POU2F1: variants seen among roughly 807,000 people sequenced by gnomAD.
POU2F1 encodes POU domain, class 2, transcription factor 1.
In POU2F1, 16 loss-of-function variants were observed where a neutral mutation model predicts 84.9. The ratio of observed to expected loss-of-function variants is 0.19; its 90% CI spans 0.13 to 0.29. The LOEUF (loss-of-function observed/expected upper bound fraction) is 0.29. POU2F1 is among the 10% of genes least tolerant of loss of function. POU2F1 has a pLI of 1.00. For missense variants in POU2F1, 738 were observed against 942.6 expected (o/e 0.78, Z 2.84); for synonymous variants, 368 against 368.3 (o/e 1.00, Z 0.01).
chr1:167,262,751 A>G (rs1239075467), intron 1 of POU2F1, among the ~76,000 whole-genome samples: 1 of 152,162 alleles, frequency 6.6e-6, no homozygotes, highest in African/African-American at 2.4e-5. Context: ...GCCCTCAATA[A>G]AGAAGGTAGG....
chr1:167,315,648 G>GTTTT (rs555434512), intron 1 of POU2F1, among the ~76,000 whole-genome samples: 1 of 151,400 alleles, frequency 6.6e-6, no homozygotes, highest in Non-Finnish European at 1.5e-5. Flanking sequence ...TTGTTTGTTT[G>GTTTT]TTTTTTAATT....
chr1:167,403,755 G>A (rs930199117), intron 13 of POU2F1, among the ~76,000 whole-genome samples: 1 of 152,112 alleles, frequency 6.6e-6, no homozygotes, highest in African/African-American at 2.4e-5. Flanking sequence ...GTTTTCCTGA[G>A]TTAGATCCAA....
At chr1:167,371,726 G>A (rs1009480949) in intron 4 of POU2F1, among the ~76,000 whole-genome samples, 191 bp from the exon 5 acceptor site, 1 of 152,116 alleles carries the variant, frequency 6.6e-6, no homozygotes, top group Non-Finnish European at 1.5e-5. Flanking sequence ...CAGCTTTGCT[G>A]GCATTAGAAT....
intron 1 of POU2F1, among the ~76,000 whole-genome samples, chr1:167,235,777 G>C (rs1649406252): frequency 6.6e-6 from 1 of 152,126 alleles, no homozygotes; most frequent in Non-Finnish European, 1.5e-5. Flanking sequence ...ATTCTTTGCA[G>C]TAACTTGGAT....
In POU2F1 at chr1:167,239,084, T is replaced by C. The variant is rs376510952; in HGVS notation, c.61+18126T>C. Among the ~76,000 whole-genome samples the C allele has an allele frequency of 3.4e-3, 518 of 152,064 alleles. 3 individuals carry two copies. The highest frequency in any genetic ancestry group is 0.012 in the African/African-American group (498 of 41,420). ...AGGTGTAACCCTGACAAACTTTTTT[T>C]CCCCCCCAAATGGACAGCCAACTGT... On this transcript the variant is annotated intron_variant, in intron 1 of 15. Coordinates refer to ENST00000367866, the MANE Select transcript of POU2F1 (RefSeq NM_002697.4).
In POU2F1 at chr1:167,376,257, A is replaced by G. The variant is rs1036641229; in HGVS notation, c.718+102A>G. On this transcript the variant is annotated intron_variant, in intron 7 of 15. Coordinates refer to ENST00000367866, the MANE Select transcript of POU2F1 (RefSeq NM_002697.4). ...ATTTTGGCCCTGAAACTATTAGACCAATGTTTTTATTAAATTTTATTTGAT... is the reference window on the plus strand; with the variant it reads ...ATTTTGGCCCTGAAACTATTAGACCGATGTTTTTATTAAATTTTATTTGAT... The G allele has an allele frequency of 4.0e-6, 5 of 1,253,960 alleles. No individual in the cohort carries two copies. The East Asian group carries it at 8.6e-5, about 22-fold the overall frequency. 77.7% of individuals were successfully genotyped at this position (1,253,960 alleles called of 1,614,324 possible). A position where few individuals can be genotyped will look rare whatever the true frequency, so the allele number is the denominator to read the frequency against.
At chr1:167,227,663 A>G (rs1354348094) in intron 1 of POU2F1, among the ~76,000 whole-genome samples, 1 of 152,208 alleles carries the variant, frequency 6.6e-6, no homozygotes, top group Non-Finnish European at 1.5e-5. Flanking sequence ...TATAAAAGGT[A>G]TCTGCTATGT....
At chr1:167,248,510 CT>C (rs1163607073) in intron 1 of POU2F1, among the ~76,000 whole-genome samples, 1 of 152,030 alleles carries the variant, frequency 6.6e-6, no homozygotes, top group African/African-American at 2.4e-5. Context: ...TTATAATACC[CT>C]GTGATAAATG....
At chr1:167,319,282 T>C (rs1571292855) in intron 1 of POU2F1, among the ~76,000 whole-genome samples, 1 of 152,328 alleles carries the variant, frequency 6.6e-6, no homozygotes, top group East Asian at 1.9e-4. Context: ...TTATTTTACC[T>C]GTTTCCCAAC....
At chr1:167,228,167 A>C (rs924951183) in intron 1 of POU2F1, among the ~76,000 whole-genome samples, 2 of 152,220 alleles carry the variant, frequency 1.3e-5, no homozygotes, top group African/African-American at 4.8e-5. Context: ...GATTGTGTTC[A>C]ACATTGTGAT....
intron 1 of POU2F1, among the ~76,000 whole-genome samples, chr1:167,243,884 A>G (rs1308832851): frequency 3.9e-5 from 6 of 152,258 alleles, no homozygotes; most frequent in Non-Finnish European, 7.3e-5. Context: ...AATATAGTAC[A>G]GGACCCAGAT....
chr1:167,332,650 G>C, intron 2 of POU2F1, 115 bp downstream of exon 2: 3 of 731,410 alleles, frequency 4.1e-6, no homozygotes, highest in Non-Finnish European at 4.5e-6. Flanking sequence ...GTATTGAGTT[G>C]TCAAATATGA....
intron 1 of POU2F1, among the ~76,000 whole-genome samples, chr1:167,304,973 A>G (rs1654959330): frequency 6.6e-6 from 1 of 152,208 alleles, no homozygotes; most frequent in African/African-American, 2.4e-5. Flanking sequence ...GGGGGTAAAT[A>G]AGGCTTATTA....
intron 1 of POU2F1, among the ~76,000 whole-genome samples, chr1:167,281,980 T>TTA (rs1366391945): frequency 6.6e-6 from 1 of 152,114 alleles, no homozygotes; most frequent in Non-Finnish European, 1.5e-5. Flanking sequence ...GCTTCCTTCT[T>TTA]TATATTGTTC....
chr1:167,363,361 C>G (rs568530408), intron 2 of POU2F1, among the ~76,000 whole-genome samples: 9 of 152,220 alleles, frequency 5.9e-5, no homozygotes, highest in Non-Finnish European at 1.3e-4. Context: ...GCATGTTTCT[C>G]TAATGGTGAA....
At chr1:167,248,077 C>G (rs1488752888) in intron 1 of POU2F1, among the ~76,000 whole-genome samples, 1 of 152,122 alleles carries the variant, frequency 6.6e-6, no homozygotes, top group Non-Finnish European at 1.5e-5. Flanking sequence ...AACCTGTTAT[C>G]AGATTTATTT....
At chr1:167,332,732 G>A (rs989717676) in intron 2 of POU2F1, among the ~76,000 whole-genome samples, 197 bp downstream of exon 2, 6 of 152,162 alleles carry the variant, frequency 3.9e-5, no homozygotes, top group African/African-American at 1.2e-4. Context: ...AGGCAGCTTC[G>A]TTGTTTTGCT....
chr1:167,246,478 A>T (rs1448893633), intron 1 of POU2F1, among the ~76,000 whole-genome samples: 2 of 152,186 alleles, frequency 1.3e-5, no homozygotes, highest in Non-Finnish European at 2.9e-5. Context: ...GTCTTTGCTT[A>T]AAAAATATTG....
At chr1:167,292,586 T>C (rs977487117) in intron 1 of POU2F1, among the ~76,000 whole-genome samples, 3 of 150,816 alleles carry the variant, frequency 2.0e-5, no homozygotes, top group Admixed American at 6.6e-5. Flanking sequence ...TTCCAAAAGA[T>C]TGAGAAAGAG....
Sources: gnomAD v4.1 joint callset for allele counts (sites outside exome capture counted in the v4.1 genomes callset) on GRCh38, gnomAD v4.1.1 for gene constraint, MANE v1.5 for transcripts, NCBI Gene and HGNC (gene_info 2026-07-23, HGNC 2026-07-21) for gene names.